The following FIG4 variants were observed in gnomAD, a reference collection of about 807,000 sequenced individuals.
The protein encoded by FIG4 is FIG4 phosphoinositide 5-phosphatase.
In FIG4, 112 loss-of-function variants were observed where a neutral mutation model predicts 118.6. The ratio of observed to expected loss-of-function variants is 0.94; its 90% CI spans 0.81 to 1.11. FIG4 has a LOEUF of 1.11. Among genes scored for constraint, FIG4 ranks in the 50% least tolerant of loss-of-function variants. The probability of loss-of-function intolerance (pLI) is 0.00; values close to 1 mark genes in which losing one functional copy is unlikely to be tolerated. For missense variants in FIG4, 969 were observed against 1,111.7 expected (o/e 0.87, Z 1.83); for synonymous variants, 369 against 381.2 (o/e 0.97, Z 0.37).
Position 109,786,436 on chromosome 6 carries a change from A to G in FIG4, c.2083A>G (p.Thr695Ala). Reference protein sequence around the residue: ...SFDDTFCLAMTSSARDFMPKT... With the variant: ...SFDDTFCLAMASSARDFMPKT... ...TGATGATACCTTTTGCTTGGCTATGACAAGCTCAGCACGGTATGTTGTGTG... is the reference window on the plus strand; with the variant it reads ...TGATGATACCTTTTGCTTGGCTATGGCAAGCTCAGCACGGTATGTTGTGTG... Residue 695 changes from threonine to alanine, a missense_variant, in exon 18 of 23, where the codon ACA becomes GCA. Thr to Ala is a moderately conservative substitution (Grantham distance 58, BLOSUM62 0). Transcript: ENST00000230124. The G allele has an allele frequency of 6.2e-7, 1 of 1,613,874 alleles. No individual in the cohort carries two copies. Among genetic ancestry groups the G allele is most frequent in the Non-Finnish European group, 8.5e-7 (1 of 1,179,782 alleles).
intron 15 of FIG4, among the ~76,000 whole-genome samples, chr6:109,775,881 A>T (rs1253090759): frequency 3.3e-5 from 5 of 152,240 alleles, no homozygotes; most frequent in Admixed American, 1.3e-4. Flanking sequence ...ACCCAATGAG[A>T]ACAGTGTTGC....
intron 10 of FIG4, among the ~76,000 whole-genome samples, chr6:109,750,856 G>A (rs930128139): frequency 1.3e-5 from 2 of 152,022 alleles, no homozygotes; most frequent in Non-Finnish European, 2.9e-5. Flanking sequence ...TTTGATATAA[G>A]CATTTCAAAA....
At chr6:109,765,303 G>GT (rs1234332690) in intron 14 of FIG4, 142 bp downstream of exon 14, 21 of 722,960 alleles carry the variant, frequency 2.9e-5, no homozygotes. Context: ...AACTCGTTCT[G>GT]TTTTTCTTAT....
chr6:109,822,118 A>G (rs1453313640), intron 22 of FIG4, among the ~76,000 whole-genome samples: 3 of 152,220 alleles, frequency 2.0e-5, no homozygotes, highest in Non-Finnish European at 4.4e-5. Flanking sequence ...GAGCAGGACT[A>G]TAGAATCTAG....
intron 1 of FIG4, chr6:109,701,797 G>A: frequency 4.3e-6 from 2 of 465,794 alleles, no homozygotes; most frequent in South Asian, 1.6e-5. Flanking sequence ...ATAGGGTGTA[G>A]TTGACTAAGG....
At chr6:109,733,254 C>A (rs1562651820) in intron 5 of FIG4, among the ~76,000 whole-genome samples, 2 of 151,968 alleles carry the variant, frequency 1.3e-5, no homozygotes, top group African/African-American at 4.8e-5. Flanking sequence ...TATAATAGCC[C>A]AAACAAGCAA....
At position 109,735,088 on chromosome 6, in the gene FIG4, G is replaced by A. The variant is rs773490770; in HGVS notation, c.498-62G>A. The A allele has an allele frequency of 7.8e-5, 110 of 1,411,772 alleles. 1 individual carries two copies. The Middle Eastern group carries it at 2.8e-3, about 36-fold the overall frequency. The allele number at this position is 1,411,772 out of a possible 1,614,324, so 87.5% of individuals were successfully genotyped here. On this transcript the variant is annotated intron_variant, in intron 5 of 22. Transcript: ENST00000230124. ...TCACAGATTTTAATTCTATATGGGCGCCAAGACCATGAAATATGCTTTGCT... is the reference window on the plus strand; with the variant it reads ...TCACAGATTTTAATTCTATATGGGCACCAAGACCATGAAATATGCTTTGCT...
chr6:109,739,442 A>G (rs772354350), intron 7 of FIG4, among the ~76,000 whole-genome samples: 80 of 152,302 alleles, frequency 5.3e-4, no homozygotes, highest in Admixed American at 1.6e-3. Context: ...AGACTTTTAA[A>G]GAAAAAGGCG....
intron 14 of FIG4, among the ~76,000 whole-genome samples, chr6:109,765,815 A>G (rs929843525): frequency 1.3e-5 from 2 of 152,172 alleles, no homozygotes; most frequent in Non-Finnish European, 2.9e-5. Flanking sequence ...TTTTTTGAAA[A>G]TACAATTAAT....
At chr6:109,788,455 C>T (rs1778046578) in intron 18 of FIG4, among the ~76,000 whole-genome samples, 1 of 152,206 alleles carries the variant, frequency 6.6e-6, no homozygotes, top group Non-Finnish European at 1.5e-5. Flanking sequence ...AAAAGACACT[C>T]ATTTACGATA....
At chr6:109,718,234 A>G (rs1022425557) in intron 3 of FIG4, among the ~76,000 whole-genome samples, 5 of 152,128 alleles carry the variant, frequency 3.3e-5, no homozygotes, top group Non-Finnish European at 5.9e-5. Flanking sequence ...AACAGCACCA[A>G]AGGGGTGGTT....
At chr6:109,755,243 G>T (rs1239150793) in intron 10 of FIG4, among the ~76,000 whole-genome samples, 1 of 152,086 alleles carries the variant, frequency 6.6e-6, no homozygotes, top group African/African-American at 2.4e-5. Context: ...GTAGTTGAGC[G>T]GTTTTGAGTG....
intron 1 of FIG4, among the ~76,000 whole-genome samples, chr6:109,695,643 C>T (rs1446128139): frequency 2.7e-5 from 4 of 150,752 alleles, no homozygotes; most frequent in African/African-American, 9.7e-5. Flanking sequence ...ATGACCTTTC[C>T]TCTTGGCCCG....
chr6:109,772,799 A>C (rs1777506598), intron 15 of FIG4, among the ~76,000 whole-genome samples: 1 of 152,182 alleles, frequency 6.6e-6, no homozygotes, highest in South Asian at 2.1e-4. Flanking sequence ...CTACAAACTC[A>C]GTGGTTTAAA....
chr6:109,762,932 C>T (rs556985501), intron 12 of FIG4, among the ~76,000 whole-genome samples: 13 of 152,210 alleles, frequency 8.5e-5, no homozygotes, highest in Admixed American at 3.3e-4. Context: ...GTGACATTAA[C>T]AAAGGGAAAA....
chr6:109,695,259 C>CT (rs1422375279), intron 1 of FIG4, among the ~76,000 whole-genome samples: 2 of 152,160 alleles, frequency 1.3e-5, no homozygotes, highest in Non-Finnish European at 1.5e-5. Context: ...TTGGTGCAGT[C>CT]TTTTTTACTC....
At chr6:109,723,511 G>A (rs1775672701) in intron 3 of FIG4, among the ~76,000 whole-genome samples, 2 of 152,294 alleles carry the variant, frequency 1.3e-5, no homozygotes, top group Admixed American at 1.3e-4. Flanking sequence ...ATTGCATGAA[G>A]GATATGTAAT....
intron 1 of FIG4, among the ~76,000 whole-genome samples, chr6:109,711,589 C>T (rs1001052449): frequency 2.0e-5 from 3 of 151,552 alleles, no homozygotes; most frequent in Non-Finnish European, 2.9e-5. Flanking sequence ...AATTGCAACC[C>T]CTGCTTTTTT....
chr6:109,745,638 G>A (rs1453161836), intron 10 of FIG4, among the ~76,000 whole-genome samples: 1 of 152,054 alleles, frequency 6.6e-6, no homozygotes, highest in Non-Finnish European at 1.5e-5. Context: ...AAACTCTTTA[G>A]TTTAATTAGA....
Sources: gnomAD v4.1 joint callset for allele counts (sites outside exome capture counted in the v4.1 genomes callset) on GRCh38, gnomAD v4.1.1 for gene constraint, MANE v1.5 for transcripts, NCBI Gene and HGNC (gene_info 2026-07-23, HGNC 2026-07-21) for gene names.